The following MYO16 variants were observed in gnomAD, a reference collection of about 807,000 sequenced individuals.
The protein encoded by MYO16 is unconventional myosin-XVI.
A neutral mutation model predicts 205.3 loss-of-function variants in MYO16; 94 were observed. The observed-to-expected ratio is 0.46, with a 90% CI of 0.39 to 0.54. The LOEUF (loss-of-function observed/expected upper bound fraction) is 0.54. Among genes scored for constraint, MYO16 ranks in the 20% least tolerant of loss-of-function variants. The pLI is 0.00. For synonymous variants in MYO16, 988 were observed against 954.0 expected, an observed-to-expected ratio of 1.04 and a Z score of -0.66; for missense variants, 2,315 against 2,387.5, an observed-to-expected ratio of 0.97 and a Z score of 0.63.
At chr13:109,107,118 C>T (rs956867758) in intron 28 of MYO16, among the ~76,000 whole-genome samples, 13 of 151,928 alleles carry the variant, frequency 8.6e-5, no homozygotes, top group African/African-American at 2.4e-4. Context: ...TGTGTGCATG[C>T]GTGTATGTAA....
chr13:108,588,801 T>C, the MYO16 span, among the ~76,000 whole-genome samples: 1 of 152,134 alleles, frequency 6.6e-6, no homozygotes, highest in African/African-American at 2.4e-5. Flanking sequence ...TTGCCAAAGT[T>C]CAAGGCTAGG....
chr13:109,176,577 T>TAAAAAAAAAAAAAAAAAAAAAAAAA lies in MYO16; in HGVS notation c.5324-2941_5324-2940insAAAAAAAAAAAAAAAAAAAAAAAAA, dbSNP rs36054088. ...GCAGCTAAATAAAATATTGTGCTGG[T>TAAAAAAAAAAAAAAAAAAAAAAAAA]AAAAAAAAAAAAAAAAAAAAAAAAG... is the stretch of plus-strand genomic sequence containing the variant. On this transcript the variant is annotated intron_variant, in intron 33 of 34. Transcript: ENST00000457511. Among the ~76,000 whole-genome samples, 49 of 44,942 alleles carry TAAAAAAAAAAAAAAAAAAAAAAAAA rather than the reference T, an allele frequency of 1.1e-3. 10 individuals are homozygous for TAAAAAAAAAAAAAAAAAAAAAAAAA. Among genetic ancestry groups the TAAAAAAAAAAAAAAAAAAAAAAAAA allele is most frequent in the Middle Eastern group, 0.017 (1 of 60 alleles). 29.5% of individuals were successfully genotyped at this position (44,942 alleles called of 152,430 possible).
chr13:108,971,501 C>T (rs1181351863), intron 20 of MYO16, among the ~76,000 whole-genome samples: 1 of 151,088 alleles, frequency 6.6e-6, no homozygotes, highest in South Asian at 2.1e-4. Flanking sequence ...TTTATTCATT[C>T]ATTCATTCTT....
At chr13:108,978,703 A>G (rs1335542083) in intron 20 of MYO16, among the ~76,000 whole-genome samples, 1 of 151,912 alleles carries the variant, frequency 6.6e-6, no homozygotes, top group Non-Finnish European at 1.5e-5. Context: ...TTTACATTAA[A>G]AGTAGGTTGG....
At chr13:109,090,981 G>C (rs1284415146) in intron 27 of MYO16, among the ~76,000 whole-genome samples, 3 of 151,962 alleles carry the variant, frequency 2.0e-5, no homozygotes, top group Non-Finnish European at 4.4e-5. Context: ...TGTCAGTCTT[G>C]TTGCTAGGCA....
intron 13 of MYO16, among the ~76,000 whole-genome samples, chr13:108,884,952 A>C (rs1879796862): frequency 6.6e-6 from 1 of 151,634 alleles, no homozygotes; most frequent in Non-Finnish European, 1.5e-5. Flanking sequence ...CACGAGGGTG[A>C]TAAAGATGCT....
intron 1 of MYO16, among the ~76,000 whole-genome samples, chr13:108,611,218 G>C (rs546564905): frequency 6.6e-6 from 1 of 152,174 alleles, no homozygotes; most frequent in South Asian, 2.1e-4. Context: ...AGATCTTACA[G>C]CCTTTTAGTT....
intron 2 of MYO16, among the ~76,000 whole-genome samples, chr13:108,704,903 A>C (rs1883445427): frequency 6.6e-6 from 1 of 151,774 alleles, no homozygotes; most frequent in Admixed American, 6.6e-5. Flanking sequence ...GCTCTTTGAA[A>C]ATATCAACAC....
At chr13:108,945,311 T>A (rs1031497378) in intron 16 of MYO16, among the ~76,000 whole-genome samples, 10 of 152,210 alleles carry the variant, frequency 6.6e-5, no homozygotes, top group African/African-American at 2.2e-4. Flanking sequence ...GAAAATTTCT[T>A]TAATGTAGAA....
chr13:109,161,263 C>T (rs909109574), intron 32 of MYO16, among the ~76,000 whole-genome samples: 2 of 152,194 alleles, frequency 1.3e-5, no homozygotes, highest in African/African-American at 4.8e-5. Context: ...AAACTCGTCA[C>T]AGGAAAGAAG....
At chr13:108,508,851 T>C in the MYO16 span, among the ~76,000 whole-genome samples, 1 of 152,228 alleles carries the variant, frequency 6.6e-6, no homozygotes, top group African/African-American at 2.4e-5. Flanking sequence ...TTTTAGACAG[T>C]GTCTTTTTGG....
chr13:108,939,176 G>A (rs577898111), intron 16 of MYO16, among the ~76,000 whole-genome samples: 11 of 152,328 alleles, frequency 7.2e-5, no homozygotes, highest in African/African-American at 2.2e-4. Context: ...GATTAAAAAC[G>A]GCATCCTGTT....
At chr13:108,593,328 AG>A (rs1428839031), upstream of MYO16, among the ~76,000 whole-genome samples, 1 of 152,164 alleles carries the variant, frequency 6.6e-6, no homozygotes, top group African/African-American at 2.4e-5. Flanking sequence ...AAGGTGCACA[AG>A]GCAGGCTGGA....
chr13:108,685,091 C>T lies in MYO16; in HGVS notation c.292+18942C>T, dbSNP rs374812717. Among the ~76,000 whole-genome samples, 319 of 149,262 alleles carry T rather than the reference C, an allele frequency of 2.1e-3. 9 individuals carry two copies. The South Asian group carries it at 0.066, about 31-fold the overall frequency. On this transcript the variant is annotated intron_variant, in intron 2 of 34. Transcript: ENST00000457511. ...AGGCTGGAGTGCAGTGACACGATCT[C>T]GGCTCACTGCAACCTCCACCTTCCG...
intron 23 of MYO16, among the ~76,000 whole-genome samples, chr13:109,025,496 C>T (rs1196082417): frequency 6.6e-6 from 1 of 152,122 alleles, no homozygotes; most frequent in South Asian, 2.1e-4. Flanking sequence ...TTAACACAGT[C>T]TCATTAATGA....
rs575950512 is a variant in MYO16 at position 108,681,964 on chromosome 13, A to G, written c.292+15815A>G. Among the ~76,000 whole-genome samples the G allele has an allele frequency of 4.6e-5, 7 of 152,294 alleles. No individual in the cohort carries two copies. The South Asian group carries it at 1.2e-3, about 27-fold the overall frequency. On this transcript the variant is annotated intron_variant, in intron 2 of 34. Transcript: ENST00000457511. ...TTCCCAGGACAGCGGCATCCTCCTC[A>G]TCTGAGAACTTGTTAGAAATGTAAA...
chr13:108,853,172 C>T (rs1330705470), intron 10 of MYO16, among the ~76,000 whole-genome samples: 1 of 152,230 alleles, frequency 6.6e-6, no homozygotes, highest in Admixed American at 6.5e-5. Flanking sequence ...AGCTGTCAGT[C>T]TAGGTAGCGC....
At chr13:108,824,958 G>C (rs1197872127) in intron 9 of MYO16, among the ~76,000 whole-genome samples, 1 of 151,992 alleles carries the variant, frequency 6.6e-6, no homozygotes, top group South Asian at 2.1e-4. Flanking sequence ...ACATGGCTTC[G>C]AGGCTGAATT....
At chr13:109,196,190 T>C (rs1466819759) in intron 34 of MYO16, among the ~76,000 whole-genome samples, 1 of 152,200 alleles carries the variant, frequency 6.6e-6, no homozygotes, top group Non-Finnish European at 1.5e-5. Flanking sequence ...TTCTTTACAG[T>C]AAAGTACAGA....
Sources: gnomAD v4.1 joint callset for allele counts (sites outside exome capture counted in the v4.1 genomes callset) on GRCh38, gnomAD v4.1.1 for gene constraint, MANE v1.5 for transcripts, NCBI Gene and HGNC (gene_info 2026-07-23, HGNC 2026-07-21) for gene names.